Variants in ZDHHC4 observed in about 807,000 individuals in gnomAD.
ZDHHC4 encodes the protein zDHHC palmitoyltransferase 4.
In ZDHHC4, 42 loss-of-function variants were observed where a neutral mutation model predicts 36.7. The observed-to-expected ratio is 1.14, with a 90% confidence interval of 0.89 to 1.48. The LOEUF is 1.48. ZDHHC4 is among the 40% of genes most tolerant of loss of function. The pLI, the probability that ZDHHC4 is intolerant of heterozygous loss-of-function variation, is 0.00. For missense variants in ZDHHC4, 457 were observed against 421.5 expected (o/e 1.08, Z -0.74); for synonymous variants, 189 against 166.6 (o/e 1.13, Z -1.03).
At chr7:6,583,586 A>C in intron 6 of ZDHHC4, 155 bp downstream of exon 6, 1 of 1,047,162 alleles carries the variant, frequency 9.5e-7, no homozygotes, top group East Asian at 2.7e-5. Context: ...GGTTTCTTTC[A>C]GATGAGTGAG....
intron 1 of ZDHHC4, among the ~76,000 whole-genome samples, chr7:6,578,016 A>T (rs958182299): frequency 6.6e-6 from 1 of 152,052 alleles, no homozygotes; most frequent in Non-Finnish European, 1.5e-5. Context: ...TATTTAGTAG[A>T]GACGGATTTC....
chr7:6,580,843 G>T, intron 3 of ZDHHC4, 165 bp downstream of exon 3: 1 of 654,172 alleles, frequency 1.5e-6, no homozygotes, highest in Admixed American at 2.7e-5. Context: ...CTTGAGCCAG[G>T]AGTCTGAAGT....
chr7:6,584,631 CTGTTTTTTGGTT>C (rs1029119778), intron 6 of ZDHHC4, among the ~76,000 whole-genome samples: 1 of 152,056 alleles, frequency 6.6e-6, no homozygotes. Flanking sequence ...AATGTCCTCT[CTGTTTTTTGGTT>C]TGTTTTTTGA....
intron 6 of ZDHHC4, among the ~76,000 whole-genome samples, chr7:6,584,489 G>T (rs1198529357): frequency 6.6e-6 from 1 of 152,102 alleles, no homozygotes; most frequent in East Asian, 1.9e-4. Context: ...TTTAAAGCAG[G>T]AACACCAGTT....
intron 7 of ZDHHC4, among the ~76,000 whole-genome samples, chr7:6,586,707 C>G (rs2115189658): frequency 6.6e-6 from 1 of 152,250 alleles, no homozygotes; most frequent in Non-Finnish European, 1.5e-5. Context: ...AACTCCTGAC[C>G]TCAAGTGATC....
rs1781146091 is a variant in ZDHHC4, at chr7:6,585,112, T to G, written c.593T>G (p.Val198Gly). The change falls in exon 7 of 8, where the codon GTC becomes GGC. Residue 198 changes from valine (V) to glycine (G), a missense_variant. Coordinates refer to ENST00000335965, the MANE Select transcript of ZDHHC4 (RefSeq NM_001134389.2). ...AACATCAGGTACTTCCTCATCTACG[T>G]CTTGACCTTGACGGCCTCGGCTGCC... ...AWNIRYFLIY[V>G]LTLTASAATV... The G allele has an allele frequency of 5.6e-6, 9 of 1,614,126 alleles. No homozygotes were observed. The highest frequency in any genetic ancestry group is 7.6e-6 in the Non-Finnish European group (9 of 1,180,020).
In ZDHHC4 at chr7:6,589,316, T is replaced by C. The variant is rs1325723974; in HGVS notation, c.*406T>C. ...TTTATGCCCCCTCTATTCTCCTCTC[T>C]CCCCCAGGGGATTTTCATCTCAACA... On this transcript the variant is annotated 3_prime_UTR_variant, in exon 8 of 8. Coordinates refer to ENST00000335965, the MANE Select transcript of ZDHHC4 (RefSeq NM_001134389.2). 3.6e-5 allele frequency: 7 copies of C among 194,590 alleles called. No homozygotes were observed. Among genetic ancestry groups the C allele is most frequent in the Non-Finnish European group, 6.6e-5 (6 of 91,512 alleles). 12.1% of individuals were successfully genotyped at this position (194,590 alleles called of 1,614,324 possible). A position where few individuals can be genotyped will look rare whatever the true frequency, so the allele number is the denominator to read the frequency against.
At chr7:6,577,733 G>A (rs904650630) in intron 1 of ZDHHC4, 1 of 152,282 alleles carries the variant, frequency 6.6e-6, no homozygotes, top group Non-Finnish European at 1.5e-5. Context: ...GCCTTGGATG[G>A]GGGTGGCTTC....
chr7:6,588,065 A>G (rs1293466759), intron 7 of ZDHHC4, among the ~76,000 whole-genome samples: 2 of 152,086 alleles, frequency 1.3e-5, no homozygotes, highest in Non-Finnish European at 2.9e-5. Context: ...GGGTTTCACC[A>G]TGTTGGCCAG....
chr7:6,584,299 A>G (rs1781073021), intron 6 of ZDHHC4: 1 of 152,182 alleles, frequency 6.6e-6, no homozygotes, highest in African/African-American at 2.4e-5. Context: ...TCATGTGGAA[A>G]TGCTTGTGTA....
intron 6 of ZDHHC4, chr7:6,584,789 C>T (rs1379165452): frequency 5.2e-6 from 3 of 572,852 alleles, no homozygotes; most frequent in Non-Finnish European, 9.1e-6. Context: ...ATGCCGCCAC[C>T]ACCTCAGATT....
chr7:6,580,771 G>T lies in ZDHHC4; in HGVS notation c.117+93G>T, dbSNP rs116617247. 3,322 of 1,261,840 alleles carry T rather than the reference G, an allele frequency of 2.6e-3. 72 individuals carry two copies. In the African/African-American group the frequency reaches 0.043, roughly 16 times the overall value. The allele number at this position is 1,261,840 out of a possible 1,614,324, so 78.2% of individuals were successfully genotyped here. ...GCTACAGGACAAAAAAGAGATGCCA[G>T]GCCGGGTGCAGTGCCTCACACCTGT... On this transcript the variant is annotated intron_variant, in intron 3 of 7. Transcript: ENST00000335965.
At chr7:6,579,207 T>C (rs1323049661) in intron 2 of ZDHHC4, among the ~76,000 whole-genome samples, 3 of 148,354 alleles carry the variant, frequency 2.0e-5, no homozygotes, top group Non-Finnish European at 4.5e-5. Flanking sequence ...TGTCTTTTCT[T>C]TTTTTTTTTT....
At chr7:6,583,528 G>A (rs1417570990) in intron 6 of ZDHHC4, 97 bp downstream of exon 6, 1 of 1,482,582 alleles carries the variant, frequency 6.7e-7, no homozygotes, top group Non-Finnish European at 9.0e-7. Context: ...AGCAGAGCCA[G>A]TTCACCCCCA....
At chr7:6,583,057 A>G (rs1157286884) in intron 5 of ZDHHC4, among the ~76,000 whole-genome samples, 1 of 152,098 alleles carries the variant, frequency 6.6e-6, no homozygotes, top group East Asian at 1.9e-4. Context: ...CACGCCTGTA[A>G]TCCCAGCTAC....
At chr7:6,580,773 C>A in intron 3 of ZDHHC4, 95 bp downstream of exon 3, 1 of 1,218,596 alleles carries the variant, frequency 8.2e-7, no homozygotes. Context: ...AGATGCCAGG[C>A]CGGGTGCAGT....
intron 7 of ZDHHC4, among the ~76,000 whole-genome samples, chr7:6,587,394 G>C (rs1781314161): frequency 6.6e-6 from 1 of 152,100 alleles, no homozygotes; most frequent in South Asian, 2.1e-4. Context: ...CAACAAGAAA[G>C]TCTCCTCCAT....
rs992558058 is a variant in ZDHHC4, at chr7:6,577,488, A to C, written c.-173A>C. 1 of 152,146 alleles carries C rather than the reference A, an allele frequency of 6.6e-6. No homozygotes were observed. Among genetic ancestry groups the C allele is most frequent in the African/African-American group, 2.4e-5 (1 of 41,452 alleles). The allele number at this position is 152,146 out of a possible 1,614,324, so 9.4% of individuals were successfully genotyped here. On this transcript the variant is annotated 5_prime_UTR_variant, in exon 1 of 8. Transcript: ENST00000335965. ...TCGCGCCCGGGAGGCGCCGGAGCCC[A>C]GCGGCTGGCGGTAAGGCCGCCTCCG...
Position 6,588,761 on chromosome 7 carries a change from G to C in ZDHHC4, c.886G>C (p.Ala296Pro). Residue 296 changes from alanine (A) to proline (P), a missense_variant, in exon 8 of 8, where the codon GCC (alanine) becomes CCC (proline). Transcript: ENST00000335965. ...TTNEWYRGDW[A>P]WCQRCPLVAW... ...TAACGAGTGGTACAGAGGTGACTGGGCCTGGTGCCAGCGTTGTCCCCTTGT... is the reference window on the plus strand; with the variant it reads ...TAACGAGTGGTACAGAGGTGACTGGCCCTGGTGCCAGCGTTGTCCCCTTGT... The C allele has an allele frequency of 6.2e-7, 1 of 1,614,230 alleles. No individual in the cohort carries two copies. Among genetic ancestry groups the C allele is most frequent in the South Asian group, 1.1e-5 (1 of 91,090 alleles).
Sources: allele counts gnomAD v4.1 joint callset (sites outside exome capture counted in the v4.1 genomes callset), GRCh38; gene constraint gnomAD v4.1.1; transcripts MANE v1.5; gene names NCBI Gene and HGNC (gene_info 2026-07-23, HGNC 2026-07-21).